P3H2: variants seen among roughly 807,000 people sequenced by gnomAD.
P3H2 encodes the protein leprecan-like 1.
In P3H2, 80 loss-of-function variants were observed where a neutral mutation model predicts 87.0. The observed-to-expected ratio is 0.92, with a 90% CI of 0.77 to 1.11. The LOEUF is 1.11. P3H2 is among the 50% of genes least tolerant of loss of function. P3H2 has a pLI of 0.00. For missense variants in P3H2, 1,001 were observed against 923.9 expected (o/e 1.08, Z -1.08); for synonymous variants, 367 against 359.3 (o/e 1.02, Z -0.24).
At position 190,046,637 on chromosome 3, in the gene P3H2, TATAG is replaced by T. The variant is rs1560377746; in HGVS notation, c.481-51199_481-51196del. ...TCAACACTATAATCTCACAATCAGA[TATAG>T]ATTTAAGAAACAATCAGATATAAAC... On this transcript the variant is annotated intron_variant, in intron 1 of 14. Transcript: ENST00000319332. 3.3e-5 allele frequency among the ~76,000 whole-genome samples: 5 copies of T among 151,588 alleles called. No homozygotes were observed. In the East Asian group the frequency reaches 9.7e-4, roughly 29 times the overall value.
intron 1 of P3H2, among the ~76,000 whole-genome samples, chr3:190,097,306 CA>C (rs1222828997): frequency 6.6e-6 from 1 of 151,514 alleles, no homozygotes; most frequent in African/African-American, 2.4e-5. Flanking sequence ...AACAAACAAC[CA>C]AAAAAACCGC....
At chr3:189,996,914 A>G (rs1724067518) in intron 1 of P3H2, among the ~76,000 whole-genome samples, 2 of 152,230 alleles carry the variant, frequency 1.3e-5, no homozygotes, top group African/African-American at 4.8e-5. Context: ...TTGAACCACC[A>G]CTACACAGAC....
chr3:190,078,582 C>T (rs540555151), intron 1 of P3H2, among the ~76,000 whole-genome samples: 11 of 152,186 alleles, frequency 7.2e-5, no homozygotes, highest in East Asian at 1.9e-4. Flanking sequence ...AGGAGACCAA[C>T]GAGCTATAAT....
intron 1 of P3H2, among the ~76,000 whole-genome samples, chr3:190,041,707 G>GT (rs1320664615): frequency 6.6e-6 from 1 of 152,034 alleles, no homozygotes. Context: ...CTTTTATATG[G>GT]TTTTTTATGT....
intron 5 of P3H2, among the ~76,000 whole-genome samples, 193 bp downstream of exon 5, chr3:189,987,334 C>T (rs977362400): frequency 1.6e-4 from 25 of 152,106 alleles, no homozygotes; most frequent in African/African-American, 5.3e-4. Flanking sequence ...ACAAAATTAG[C>T]CGGGTGTGGT....
chr3:190,004,467 C>T (rs551971859), intron 1 of P3H2, among the ~76,000 whole-genome samples: 2,177 of 152,182 alleles, frequency 0.014, 20 homozygotes, highest in Admixed American at 0.028. Flanking sequence ...ACTGCAAGCT[C>T]CGCCTCCCGG....
intron 3 of P3H2, among the ~76,000 whole-genome samples, chr3:189,991,611 G>C (rs1265330235): frequency 6.6e-6 from 1 of 152,204 alleles, no homozygotes; most frequent in Non-Finnish European, 1.5e-5. Context: ...CAAGGCTTTA[G>C]CCGAGAGATA....
intron 8 of P3H2, among the ~76,000 whole-genome samples, chr3:189,982,398 A>G (rs1723564467): frequency 6.6e-6 from 1 of 152,222 alleles, no homozygotes; most frequent in African/African-American, 2.4e-5. Context: ...TTTTATTAAT[A>G]TAACAATGCT....
intron 1 of P3H2, among the ~76,000 whole-genome samples, chr3:190,047,086 C>G (rs928855867): frequency 6.6e-6 from 1 of 151,900 alleles, no homozygotes; most frequent in Non-Finnish European, 1.5e-5. Context: ...GGCAAAAGAT[C>G]GGAATAGACA....
rs1723215695 is a variant in P3H2, at chr3:189,972,870, T to C, written c.1699+4A>G. ...AAGGGAACCATTTCAGACTGCAATCTCACCAGACAGGGCTGTTCGGCAGAC... is the reference window on the plus strand; with the variant it reads ...AAGGGAACCATTTCAGACTGCAATCCCACCAGACAGGGCTGTTCGGCAGAC... On this transcript the variant is annotated splice_donor_region_variant and intron_variant, in intron 11 of 14. Coordinates refer to ENST00000319332, the MANE Select transcript of P3H2 (RefSeq NM_018192.4). The C allele has an allele frequency of 1.9e-6, 3 of 1,614,064 alleles. No individual in the cohort carries two copies. The highest frequency in any genetic ancestry group is 2.5e-6 in the Non-Finnish European group (3 of 1,179,952).
chr3:189,993,966 G>A (rs1465927746), intron 3 of P3H2, 128 bp downstream of exon 3: 4 of 757,804 alleles, frequency 5.3e-6, no homozygotes, highest in East Asian at 2.7e-5. Flanking sequence ...GAGATAGGCT[G>A]GGATAGACAC....
At chr3:190,014,858 G>A (rs1172006166) in intron 1 of P3H2, among the ~76,000 whole-genome samples, 3 of 152,128 alleles carry the variant, frequency 2.0e-5, no homozygotes, top group Non-Finnish European at 4.4e-5. Flanking sequence ...GGGAGCCTTG[G>A]TAAGAGGGAA....
chr3:190,020,812 C>T (rs780084015), intron 1 of P3H2, among the ~76,000 whole-genome samples: 3 of 133,332 alleles, frequency 2.3e-5, no homozygotes, highest in Non-Finnish European at 5.0e-5. Flanking sequence ...CCTAAGGAGT[C>T]CTTTTCCAAG....
intron 1 of P3H2, among the ~76,000 whole-genome samples, chr3:190,040,597 GT>G (rs1363677698): frequency 2.6e-5 from 4 of 152,064 alleles, no homozygotes; most frequent in African/African-American, 9.7e-5. Context: ...AGACAGTAGT[GT>G]TTTTCCAGGA....
intron 1 of P3H2, among the ~76,000 whole-genome samples, chr3:190,028,360 C>T (rs1725148269): frequency 6.6e-6 from 1 of 152,174 alleles, no homozygotes; most frequent in Non-Finnish European, 1.5e-5. Context: ...TCTTGCAGAG[C>T]ACTCAGGTTT....
chr3:190,053,326 T>G (rs1726042158), intron 1 of P3H2, among the ~76,000 whole-genome samples: 1 of 152,192 alleles, frequency 6.6e-6, no homozygotes, highest in Non-Finnish European at 1.5e-5. Flanking sequence ...AAAATTGGAT[T>G]TTCTTATTGA....
chr3:190,029,489 G>A (rs1258831628), intron 1 of P3H2, among the ~76,000 whole-genome samples: 1 of 151,894 alleles, frequency 6.6e-6, no homozygotes. Context: ...AAAGGAAATT[G>A]GTGACTTTCT....
At chr3:190,108,422 T>C (rs191362033) in intron 1 of P3H2, among the ~76,000 whole-genome samples, 25 of 152,342 alleles carry the variant, frequency 1.6e-4, no homozygotes, top group African/African-American at 6.0e-4. Flanking sequence ...AAAATGTCAC[T>C]TGGAGGTCAA....
chr3:190,046,997 GAATT>G (rs1445329674), intron 1 of P3H2, among the ~76,000 whole-genome samples: 1 of 151,198 alleles, frequency 6.6e-6, no homozygotes, highest in Non-Finnish European at 1.5e-5. Context: ...ATCTAATGAG[GAATT>G]AATAACTAGA....
Sources: gnomAD v4.1 joint callset for allele counts (sites outside exome capture counted in the v4.1 genomes callset) on GRCh38, gnomAD v4.1.1 for gene constraint, MANE v1.5 for transcripts, NCBI Gene and HGNC (gene_info 2026-07-23, HGNC 2026-07-21) for gene names.